The following RBM41 variants were observed in gnomAD, a reference collection of about 807,000 sequenced individuals.
RBM41 encodes RNA-binding protein 41.
Under a neutral mutation model 30.8 loss-of-function variants are expected in RBM41, and 14 were observed. The observed-to-expected ratio is 0.45, with a 90% CI of 0.30 to 0.71. The LOEUF (loss-of-function observed/expected upper bound fraction) is 0.71, where lower values mean the gene tolerates loss of function less well. RBM41 is among the 30% of genes least tolerant of loss of function. The pLI, the probability that RBM41 is intolerant of heterozygous loss-of-function variation, is 0.08. For missense variants in RBM41, 276 were observed against 326.3 expected, an observed-to-expected ratio of 0.85 and a Z score of 1.19; for synonymous variants, 120 against 110.1, an observed-to-expected ratio of 1.09 and a Z score of -0.56.
At chrX:107,055,682 T>G in the RBM41 span, among the ~76,000 whole-genome samples, 4 of 112,410 alleles carry the variant, frequency 3.6e-5, no homozygotes, top group Non-Finnish European at 7.5e-5. Flanking sequence ...ATGGTTAACT[T>G]TTTGAACAGC....
the RBM41 span, among the ~76,000 whole-genome samples, chrX:107,056,811 C>CTTTT: frequency 2.1e-5 from 2 of 97,162 alleles, no homozygotes; most frequent in African/African-American, 7.5e-5. Flanking sequence ...CTCAAATAAT[C>CTTTT]TTTTTTTTTT....
intron 5 of RBM41, among the ~76,000 whole-genome samples, chrX:107,109,139 C>T (rs945781637): frequency 9.0e-6 from 1 of 110,511 alleles, no homozygotes; most frequent in African/African-American, 3.3e-5. Context: ...TAAAATGGCA[C>T]ATTGGAAAAA....
chrX:107,069,565 A>G (rs764342269), intron 6 of RBM41, 163 bp from the exon 7 acceptor site: 22 of 464,313 alleles, frequency 4.7e-5, no homozygotes, highest in Non-Finnish European at 7.2e-5. Context: ...AGTGATTCTC[A>G]TGCCTCAGCC....
chrX:107,114,044 C>T lies in RBM41; in HGVS notation c.524-576G>A, dbSNP rs777130022. Among the ~76,000 whole-genome samples, 12 of 111,799 alleles carry T rather than the reference C, an allele frequency of 1.1e-4. No homozygotes were observed. The South Asian group carries it at 1.5e-3, about 14-fold the overall frequency. ...TAAAATCAAACTCATCATCCTTCCT[C>T]GAAATTTCCCCATAAAGGCTTTCTT... On this transcript the variant is annotated intron_variant, in intron 4 of 7. Transcript: ENST00000685964.
At chrX:107,052,573 C>A in the RBM41 span, among the ~76,000 whole-genome samples, 3 of 111,088 alleles carry the variant, frequency 2.7e-5, no homozygotes, top group Non-Finnish European at 5.7e-5. Context: ...AGGAGGGGTG[C>A]CTTTGATGTC....
At chrX:107,103,676 A>C in intron 5 of RBM41, among the ~76,000 whole-genome samples, 1 of 112,140 alleles carries the variant, frequency 8.9e-6, no homozygotes, top group Non-Finnish European at 1.9e-5. Flanking sequence ...CAAACTATTG[A>C]TACATACGAC....
intron 5 of RBM41, among the ~76,000 whole-genome samples, chrX:107,097,923 T>C (rs1324013502): frequency 9.0e-6 from 1 of 111,437 alleles, no homozygotes; most frequent in Admixed American, 9.6e-5. Flanking sequence ...CAATGAGCCC[T>C]AGGGAATTTT....
At chrX:107,099,564 T>C (rs1210889548) in intron 5 of RBM41, among the ~76,000 whole-genome samples, 1 of 111,757 alleles carries the variant, frequency 8.9e-6, no homozygotes, top group African/African-American at 3.3e-5. Context: ...CAAAGCAGGC[T>C]GTCCAAATGG....
intron 4 of RBM41, 97 bp from the exon 5 acceptor site, chrX:107,113,565 T>C (rs1342329025): frequency 7.6e-6 from 7 of 918,108 alleles, no homozygotes; most frequent in Non-Finnish European, 9.8e-6. Flanking sequence ...CTGCTTTAAG[T>C]GATTTACATG....
Position 107,105,688 on chromosome X carries a change from C to G in RBM41, c.595+7709G>C, listed in dbSNP as rs749257869. ...AACAGAGATATAGACCAATGGAACACAACAGAGCCCTCAGAAATAATGCCG... is the reference window on the plus strand; with the variant it reads ...AACAGAGATATAGACCAATGGAACAGAACAGAGCCCTCAGAAATAATGCCG... On this transcript the variant is annotated intron_variant, in intron 5 of 7. Coordinates refer to ENST00000685964, the MANE Select transcript of RBM41 (RefSeq NM_001324242.2). Among the ~76,000 whole-genome samples, 984 of 110,937 alleles carry G rather than the reference C, an allele frequency of 8.9e-3. 12 individuals carry two copies. Among genetic ancestry groups the G allele is most frequent in the African/African-American group, 0.03 (922 of 30,477 alleles).
chrX:107,077,044 CAAATT>C (rs1354206929), intron 6 of RBM41, among the ~76,000 whole-genome samples: 1 of 111,912 alleles, frequency 8.9e-6, no homozygotes, highest in African/African-American at 3.2e-5. Flanking sequence ...ATGAAAATAT[CAAATT>C]AAATAACCAT....
intron 5 of RBM41, among the ~76,000 whole-genome samples, chrX:107,092,377 A>T (rs1374907438): frequency 9.0e-6 from 1 of 111,373 alleles, no homozygotes; most frequent in African/African-American, 3.3e-5. Context: ...TAAGAAAAAG[A>T]TGAACAACCA....
intron 5 of RBM41, among the ~76,000 whole-genome samples, chrX:107,102,724 A>T (rs1251522218): frequency 9.0e-6 from 1 of 111,515 alleles, no homozygotes; most frequent in African/African-American, 3.3e-5. Context: ...GGATGGGGCT[A>T]TAGCTGCCCT....
At position 107,065,910 on chromosome X, in the gene RBM41, T is replaced by C. The variant is rs1180340486; in HGVS notation, c.*1617A>G. Among the ~76,000 whole-genome samples, 1 of 112,476 alleles carries C rather than the reference T, an allele frequency of 8.9e-6. No homozygotes were observed. Among genetic ancestry groups the C allele is most frequent in the Non-Finnish European group, 1.9e-5 (1 of 53,225 alleles). On this transcript the variant is annotated 3_prime_UTR_variant, in exon 8 of 8. Transcript: ENST00000685964. Reference sequence around the variant, plus strand: ...TGATAATTACATAATTATTTTTGCCTGTGCTCTTTTTCTGCATGTGTGTAG... The same window carrying C: ...TGATAATTACATAATTATTTTTGCCCGTGCTCTTTTTCTGCATGTGTGTAG...
At position 107,067,092 on chromosome X, in the gene RBM41, T is replaced by G. The variant is rs1339547461; in HGVS notation, c.*435A>C. 1.3e-6 allele frequency: 1 copy of G among 753,025 alleles called. No homozygotes were observed. The highest frequency in any genetic ancestry group is 1.6e-6 in the Non-Finnish European group (1 of 638,289). 62.1% of individuals were successfully genotyped at this position (753,025 alleles called of 1,213,427 possible). A position where few individuals can be genotyped will look rare whatever the true frequency, so the allele number is the denominator to read the frequency against. On this transcript the variant is annotated 3_prime_UTR_variant, in exon 8 of 8. Transcript: ENST00000685964. ...AGGCCTGGGGGTCCTACTCTTTTAT[T>G]TACTAGGTGGATGAAATATGGCAAA...
intron 7 of RBM41, among the ~76,000 whole-genome samples, chrX:107,067,998 C>A (rs1044092912): frequency 8.9e-6 from 1 of 111,799 alleles, no homozygotes; most frequent in Admixed American, 9.5e-5. Context: ...AGTAATTATA[C>A]ACAAGTCTCT....
downstream of RBM41, among the ~76,000 whole-genome samples, chrX:107,056,955 G>A (rs932732884): frequency 7.4e-5 from 8 of 107,915 alleles, no homozygotes; most frequent in East Asian, 2.9e-4. Context: ...AGCATGGATC[G>A]CTGCAGCGAT....
intron 5 of RBM41, among the ~76,000 whole-genome samples, chrX:107,105,558 C>G (rs1013319292): frequency 9.0e-6 from 1 of 110,644 alleles, no homozygotes; most frequent in Non-Finnish European, 1.9e-5. Flanking sequence ...TCCGCATTGC[C>G]AAGTCAATCC....
chrX:107,104,685 T>C (rs1049860637), intron 5 of RBM41, among the ~76,000 whole-genome samples: 4 of 111,336 alleles, frequency 3.6e-5, no homozygotes, highest in Non-Finnish European at 7.5e-5. Flanking sequence ...TCTGTTTATA[T>C]GCTGGATTAC....
Sources: allele counts gnomAD v4.1 joint callset (sites outside exome capture counted in the v4.1 genomes callset), GRCh38; gene constraint gnomAD v4.1.1; transcripts MANE v1.5; gene names NCBI Gene and HGNC (gene_info 2026-07-23, HGNC 2026-07-21).